Variants in UMAD1 observed in about 807,000 individuals in gnomAD.
The protein encoded by UMAD1 is UBAP1-MVB12-associated (UMA)-domain containing protein 1.
In UMAD1, 8 loss-of-function variants were observed where a neutral mutation model predicts 6.1. The ratio of observed to expected loss-of-function variants is 1.30; its 90% confidence interval spans 0.76 to 2.35. The LOEUF is 2.35. Ranked by LOEUF, UMAD1 falls within the 30% of genes most tolerant of loss-of-function variation. The pLI is 0.00. For synonymous variants in UMAD1, 56 were observed against 31.4 expected (o/e 1.78, Z -2.61); for missense variants, 130 against 78.4 (o/e 1.66, Z -2.49).
chr7:7,869,242 T>A (rs76342788), intron 3 of UMAD1, among the ~76,000 whole-genome samples: 1 of 55,232 alleles, frequency 1.8e-5, no homozygotes, highest in African/African-American at 7.5e-5. Flanking sequence ...CCCACAGTAA[T>A]GCAAGCAGAT....
intron 2 of UMAD1, among the ~76,000 whole-genome samples, chr7:7,701,899 A>G (rs1780472959): frequency 6.6e-6 from 1 of 151,950 alleles, no homozygotes; most frequent in African/African-American, 2.4e-5. Context: ...CACTGCAACC[A>G]TTTCTGCCAT....
intron 1 of UMAD1, among the ~76,000 whole-genome samples, chr7:7,659,357 TG>T (rs1785420034): frequency 6.6e-6 from 1 of 152,192 alleles, no homozygotes; most frequent in African/African-American, 2.4e-5. Context: ...CTTTTGAATT[TG>T]TTTGCTCTTG....
intron 3 of UMAD1, among the ~76,000 whole-genome samples, chr7:7,824,142 C>G (rs960746): frequency 0.27 from 40,850 of 151,910 alleles, 5,878 homozygotes; most frequent in East Asian, 0.46. Context: ...AGAGAGGAAC[C>G]ACTTGTAACT....
At chr7:7,698,376 A>T (rs1262825922) in intron 2 of UMAD1, among the ~76,000 whole-genome samples, 1 of 152,192 alleles carries the variant, frequency 6.6e-6, no homozygotes, top group African/African-American at 2.4e-5. Context: ...TCTGCCATCA[A>T]TTTCAACCAA....
intron 1 of UMAD1, among the ~76,000 whole-genome samples, chr7:7,663,247 A>G (rs1021373543): frequency 2.0e-5 from 3 of 148,050 alleles, no homozygotes; most frequent in Non-Finnish European, 4.4e-5. Context: ...TGGAACTTGC[A>G]GTTTGAAGCA....
At chr7:7,746,183 G>A (rs1031963333) in intron 2 of UMAD1, among the ~76,000 whole-genome samples, 1 of 152,150 alleles carries the variant, frequency 6.6e-6, no homozygotes, top group African/African-American at 2.4e-5. Flanking sequence ...TTCCTTCTTT[G>A]GTGCACTGTG....
chr7:7,705,229 A>G (rs1333206439), intron 2 of UMAD1, among the ~76,000 whole-genome samples: 1 of 152,208 alleles, frequency 6.6e-6, no homozygotes, highest in Admixed American at 6.5e-5. Context: ...AGATGATTGT[A>G]ACGAAGTTCG....
At chr7:7,850,450 C>T (rs954922803) in intron 3 of UMAD1, among the ~76,000 whole-genome samples, 2 of 152,072 alleles carry the variant, frequency 1.3e-5, no homozygotes, top group Non-Finnish European at 2.9e-5. Context: ...TTTCCATCTA[C>T]TTCCCCCCAA....
At chr7:7,742,152 T>TTCTC in intron 2 of UMAD1, 1 of 651,718 alleles carries the variant, frequency 1.5e-6, no homozygotes, top group Non-Finnish European at 2.9e-6. Context: ...AATATATGCC[T>TTCTC]TCTCTCCATC....
chr7:7,813,995 T>TA (rs1402271642), intron 3 of UMAD1, among the ~76,000 whole-genome samples: 1 of 152,124 alleles, frequency 6.6e-6, no homozygotes, highest in Admixed American at 6.6e-5. Context: ...TATTTATTTT[T>TA]TTTTTTTGAG....
At chr7:7,701,553 T>G (rs1780462507) in intron 2 of UMAD1, among the ~76,000 whole-genome samples, 2 of 152,210 alleles carry the variant, frequency 1.3e-5, no homozygotes, top group South Asian at 4.1e-4. Context: ...AGTAGTATTT[T>G]TCTGAACCTT....
intron 1 of UMAD1, among the ~76,000 whole-genome samples, chr7:7,666,277 C>T (rs980608005): frequency 9.9e-5 from 15 of 152,232 alleles, no homozygotes; most frequent in Admixed American, 7.2e-4. Flanking sequence ...GATCTTGCCT[C>T]ATTGCATGCT....
intron 3 of UMAD1, among the ~76,000 whole-genome samples, chr7:7,872,712 A>G (rs1784352868): frequency 6.6e-6 from 1 of 152,222 alleles, no homozygotes; most frequent in Non-Finnish European, 1.5e-5. Context: ...GCAAAGTGCA[A>G]TAAAAGAATG....
intron 2 of UMAD1, among the ~76,000 whole-genome samples, chr7:7,679,784 C>T (rs1035810395): frequency 4.7e-5 from 7 of 149,882 alleles, no homozygotes; most frequent in Non-Finnish European, 7.4e-5. Flanking sequence ...AGGCCACTTT[C>T]GAACTCTTAG....
chr7:7,716,283 C>G lies in UMAD1; in HGVS notation c.82+42830C>G, dbSNP rs569941999. On this transcript the variant is annotated intron_variant, in intron 2 of 3. Transcript: ENST00000682710. ...ATTACAACATGGGAAGGAACAATGC[C>G]AAGAAAAATTGTATTTATTCTTATA... 9.9e-5 allele frequency among the ~76,000 whole-genome samples: 15 copies of G among 152,200 alleles called. 1 individual carries two copies. Among genetic ancestry groups the G allele is most frequent in the East Asian group, 5.8e-4 (3 of 5,184 alleles).
chr7:7,879,191 T>TA lies in UMAD1; in HGVS notation c.*1657dup, dbSNP rs1324983435. The TA allele has an allele frequency of 6.6e-6, 1 of 152,198 alleles. No homozygotes were observed. Among genetic ancestry groups the TA allele is most frequent in the Non-Finnish European group, 1.5e-5 (1 of 68,008 alleles). 9.4% of individuals were successfully genotyped at this position (152,198 alleles called of 1,614,324 possible). On this transcript the variant is annotated 3_prime_UTR_variant, in exon 4 of 4. Transcript: ENST00000682710. ...ATATTTAAATAAATGTGAATTAAAA[T>TA]AAAATTTTTGATTATTTTCAGATCC...
chr7:7,669,203 T>C (rs185863841), intron 1 of UMAD1, among the ~76,000 whole-genome samples: 223 of 152,266 alleles, frequency 1.5e-3, no homozygotes, highest in African/African-American at 5.1e-3. Flanking sequence ...AGGTGTCTAC[T>C]TGGGATCTTG....
chr7:7,716,893 A>C (rs1780922239), intron 2 of UMAD1, among the ~76,000 whole-genome samples: 1 of 151,922 alleles, frequency 6.6e-6, no homozygotes. Context: ...ATGCTATGTA[A>C]ATGGCACACC....
chr7:7,674,062 G>A (rs1192997670), intron 2 of UMAD1, among the ~76,000 whole-genome samples: 1 of 152,090 alleles, frequency 6.6e-6, no homozygotes, highest in Non-Finnish European at 1.5e-5. Context: ...GAAAAGTTTT[G>A]CACAACATCT....
Sources: gnomAD v4.1 joint callset for allele counts (sites outside exome capture counted in the v4.1 genomes callset) on GRCh38, gnomAD v4.1.1 for gene constraint, MANE v1.5 for transcripts, NCBI Gene and HGNC (gene_info 2026-07-23, HGNC 2026-07-21) for gene names.